SPATA9: variants seen among roughly 807,000 people sequenced by gnomAD.
SPATA9 encodes the protein spermatogenesis-associated protein 9.
SPATA9 carries 27 observed loss-of-function variants against 25.5 expected under a neutral mutation model. That is an observed-to-expected ratio of 1.06 (90% CI 0.78 to 1.46). SPATA9 has a LOEUF of 1.46. SPATA9 is among the 40% of genes most tolerant of loss of function. SPATA9 has a pLI of 0.00. For missense variants in SPATA9, 282 were observed against 297.5 expected (o/e 0.95, Z 0.38); for synonymous variants, 102 against 105.7 (o/e 0.97, Z 0.21).
At chr5:95,660,979 C>T (rs1337403501) in intron 4 of SPATA9, among the ~76,000 whole-genome samples, 3 of 152,136 alleles carry the variant, frequency 2.0e-5, no homozygotes, top group African/African-American at 7.2e-5. Flanking sequence ...CTTAGTCAAA[C>T]CAGAGTCTGT....
At chr5:95,668,824 CA>C (rs1752073491) in intron 3 of SPATA9, among the ~76,000 whole-genome samples, 1 of 152,012 alleles carries the variant, frequency 6.6e-6, no homozygotes, top group Non-Finnish European at 1.5e-5. Context: ...ATAAATCACA[CA>C]AAAAACCCAA....
At chr5:95,731,168 C>G in the SPATA9 span, 1 of 1,009,540 alleles carries the variant, frequency 9.9e-7, no homozygotes, top group Non-Finnish European at 1.2e-6. Context: ...TCCTTTGTGT[C>G]CAGCCGCCGC....
At chr5:95,690,531 G>T (rs945730788) in intron 1 of SPATA9, among the ~76,000 whole-genome samples, 2 of 152,164 alleles carry the variant, frequency 1.3e-5, no homozygotes, top group Non-Finnish European at 2.9e-5. Flanking sequence ...GCTTGAGCTG[G>T]TTCCTACTGG....
downstream of SPATA9, chr5:95,657,985 G>A (rs959576394): frequency 1.3e-5 from 2 of 152,098 alleles, no homozygotes; most frequent in Non-Finnish European, 2.9e-5. Context: ...TTTTCTCATA[G>A]GAGCCACTGG....
intron 2 of SPATA9, among the ~76,000 whole-genome samples, chr5:95,679,442 C>T (rs1753227821): frequency 6.6e-6 from 1 of 152,168 alleles, no homozygotes; most frequent in Non-Finnish European, 1.5e-5. Flanking sequence ...GATGCCAAGG[C>T]TAAGATACAG....
intron 3 of SPATA9, among the ~76,000 whole-genome samples, chr5:95,670,045 G>A (rs1752221399): frequency 6.6e-6 from 1 of 152,198 alleles, no homozygotes; most frequent in Admixed American, 6.5e-5. Context: ...CTGTGCACAT[G>A]TCTCAGGCCA....
At position 95,675,436 on chromosome 5, in the gene SPATA9, C is replaced by G. The variant is rs776296440; in HGVS notation, c.354G>C (p.Pro118=). ...CCTGAATGTTATATAGGGGTTGCCT[C>G]GGCGCATTAACTTCCCTCAGCAGAC... ...SGRLLREVNA[P]RQPLYNIQVR... Residue 118 remains proline (P), a synonymous_variant, in exon 3 of 5, where the codon CCG becomes CCC. Transcript: ENST00000274432. The G allele has an allele frequency of 1.2e-6, 2 of 1,614,082 alleles. No homozygotes were observed. The highest frequency in any genetic ancestry group is 1.7e-6 in the Non-Finnish European group (2 of 1,180,002).
At chr5:95,653,931 T>A (rs191206154), downstream of SPATA9, 7 of 633,550 alleles carry the variant, frequency 1.1e-5, no homozygotes, top group South Asian at 4.5e-5. Flanking sequence ...ATAAATGTTT[T>A]ATATAGCTAC....
At chr5:95,696,085 T>C (rs1187797178) in intron 1 of SPATA9, among the ~76,000 whole-genome samples, 1 of 152,112 alleles carries the variant, frequency 6.6e-6, no homozygotes, top group Non-Finnish European at 1.5e-5. Context: ...TAAAAACAGA[T>C]CCTCACCCAG....
At position 95,653,105 on chromosome 5, in the gene SPATA9, C is replaced by T. The variant is rs188856372; in HGVS notation, c.*552G>A. On this transcript the variant is annotated 3_prime_UTR_variant and NMD_transcript_variant, in exon 9 of 9. Coordinates refer to the SPATA9 transcript ENST00000316087. ...TCTTTCCTTCAGGCTTTTGTATTTGCTCTTCTTTCAGTATGGAATTCTCTT... is the reference window on the plus strand; with the variant it reads ...TCTTTCCTTCAGGCTTTTGTATTTGTTCTTCTTTCAGTATGGAATTCTCTT... 3,607 of 1,551,270 alleles carry T rather than the reference C, an allele frequency of 2.3e-3. 15 individuals are homozygous for T. The highest frequency in any genetic ancestry group is 2.5e-3 in the Non-Finnish European group (2,907 of 1,146,906).
the SPATA9 span, among the ~76,000 whole-genome samples, chr5:95,711,844 G>A: frequency 6.6e-6 from 1 of 152,212 alleles, no homozygotes; most frequent in African/African-American, 2.4e-5. Flanking sequence ...TTTTTACAGG[G>A]AACCTGATTA....
At chr5:95,731,298 C>T in the SPATA9 span, 1 of 1,041,368 alleles carries the variant, frequency 9.6e-7, no homozygotes, top group Non-Finnish European at 1.2e-6. Context: ...CCCCGACCCC[C>T]CTTCTCTGCT....
chr5:95,708,023 C>T, the SPATA9 span, among the ~76,000 whole-genome samples: 2 of 152,194 alleles, frequency 1.3e-5, no homozygotes, highest in South Asian at 4.1e-4. Context: ...ATTTAATATA[C>T]AAGGCCCAAA....
At chr5:95,731,666 C>T in the SPATA9 span, 2 of 1,613,372 alleles carry the variant, frequency 1.2e-6, no homozygotes, top group Non-Finnish European at 1.7e-6. Context: ...CGCCGCCCTG[C>T]CCTTGGATTT....
At chr5:95,695,798 C>A (rs1015283806) in intron 1 of SPATA9, among the ~76,000 whole-genome samples, 4 of 152,156 alleles carry the variant, frequency 2.6e-5, no homozygotes, top group African/African-American at 9.7e-5. Flanking sequence ...GGTCTTCATG[C>A]CCTGGTGTAA....
At chr5:95,713,821 CTT>C in the SPATA9 span, 1 of 151,768 alleles carries the variant, frequency 6.6e-6, no homozygotes, top group African/African-American at 2.4e-5. Flanking sequence ...AATTTCTCCT[CTT>C]CTCAATCTTA....
the SPATA9 span, among the ~76,000 whole-genome samples, chr5:95,712,872 C>G: frequency 2.0e-5 from 3 of 151,810 alleles, no homozygotes; most frequent in Admixed American, 2.0e-4. Context: ...ACAGGGAATG[C>G]CTTTTCCATG....
intron 3 of SPATA9, among the ~76,000 whole-genome samples, chr5:95,668,779 G>T (rs34901): frequency 6.6e-6 from 1 of 151,914 alleles, no homozygotes; most frequent in African/African-American, 2.4e-5. Context: ...TCTCATAAAA[G>T]AAGTATGTGT....
intron 3 of SPATA9, among the ~76,000 whole-genome samples, chr5:95,671,283 C>T (rs1393255999): frequency 6.6e-6 from 1 of 152,206 alleles, no homozygotes; most frequent in Non-Finnish European, 1.5e-5. Flanking sequence ...ATACTTTGAT[C>T]ATCCACTTGC....
Sources: gnomAD v4.1 joint callset for allele counts (sites outside exome capture counted in the v4.1 genomes callset) on GRCh38, gnomAD v4.1.1 for gene constraint, MANE v1.5 for transcripts, NCBI Gene and HGNC (gene_info 2026-07-23, HGNC 2026-07-21) for gene names.